The following ARID1B variants were observed in gnomAD, a reference collection of about 807,000 sequenced individuals.
ARID1B encodes AT-rich interaction domain 1B, also known as AT-rich interactive domain-containing protein 1B.
ARID1B carries 30 observed loss-of-function variants against 212.3 expected under a neutral mutation model. The ratio of observed to expected loss-of-function variants is 0.14; its 90% CI spans 0.11 to 0.19. The LOEUF is 0.19. ARID1B is among the 10% of genes least tolerant of loss of function. The probability of loss-of-function intolerance (pLI) is 1.00; values close to 1 mark genes in which losing one functional copy is unlikely to be tolerated. For synonymous variants in ARID1B, 1,402 were observed against 1,301.7 expected (o/e 1.08, Z -1.66); for missense variants, 2,891 against 3,204.0 (o/e 0.90, Z 2.36).
intron 16 of ARID1B, among the ~76,000 whole-genome samples, chr6:157,197,926 G>A (rs184690601): frequency 2.6e-4 from 39 of 152,180 alleles, no homozygotes; most frequent in African/African-American, 7.7e-4. Context: ...AAAAGTTCCC[G>A]TGTCTGTTTC....
chr6:156,869,999 C>T (rs1176104475), intron 2 of ARID1B: 4 of 146,722 alleles, frequency 2.7e-5, no homozygotes, highest in African/African-American at 1.0e-4. Flanking sequence ...CACCAGGGAG[C>T]AGTGGCTGGG....
chr6:156,799,323 C>G (rs1426736477), intron 1 of ARID1B, among the ~76,000 whole-genome samples: 1 of 152,236 alleles, frequency 6.6e-6, no homozygotes, highest in Non-Finnish European at 1.5e-5. Flanking sequence ...GCAGTTTGCA[C>G]TCAGGCATTC....
chr6:156,998,252 ACT>A (rs544915393), intron 4 of ARID1B, among the ~76,000 whole-genome samples: 141 of 129,934 alleles, frequency 1.1e-3, no homozygotes, highest in African/African-American at 4.0e-3. Context: ...CAGAGTTTCC[ACT>A]CTGTCACCCA....
At chr6:156,833,229 A>G (rs1488128577) in intron 2 of ARID1B, among the ~76,000 whole-genome samples, 1 of 152,172 alleles carries the variant, frequency 6.6e-6, no homozygotes, top group East Asian at 1.9e-4. Context: ...TAAAAAAAAA[A>G]CAAACCTTAA....
chr6:156,975,613 C>CTTTTTTT (rs367797338), intron 4 of ARID1B, among the ~76,000 whole-genome samples: 80 of 110,794 alleles, frequency 7.2e-4, no homozygotes, highest in Non-Finnish European at 8.2e-4. Flanking sequence ...TTTTTTTTTT[C>CTTTTTTT]TTTTTTTTTT....
At chr6:157,132,959 GT>G in intron 6 of ARID1B, 68 bp from the exon 7 acceptor site, 1 of 1,501,604 alleles carries the variant, frequency 6.7e-7, no homozygotes, top group Non-Finnish European at 9.0e-7. Context: ...ATCAGTCCAT[GT>G]CCATTTTTAT....
chr6:156,786,948 T>G (rs1384289650), intron 1 of ARID1B, among the ~76,000 whole-genome samples: 1 of 146,620 alleles, frequency 6.8e-6, no homozygotes, highest in Non-Finnish European at 1.5e-5. Context: ...TTGGCCTGCT[T>G]TTTTTTTTTT....
chr6:156,930,908 A>G (rs924052609), intron 3 of ARID1B, among the ~76,000 whole-genome samples: 1 of 152,178 alleles, frequency 6.6e-6, no homozygotes, highest in Non-Finnish European at 1.5e-5. Flanking sequence ...ATCCAAAGCT[A>G]GGCCAGGCAG....
At chr6:157,161,453 A>ATATATATG (rs1562313986) in intron 8 of ARID1B, among the ~76,000 whole-genome samples, 1 of 147,136 alleles carries the variant, frequency 6.8e-6, no homozygotes, top group African/African-American at 2.6e-5. Flanking sequence ...ATATATATAT[A>ATATATATG]TTTTGGCGGG....
chr6:156,993,614 A>G (rs1418112840), intron 4 of ARID1B, among the ~76,000 whole-genome samples: 1 of 152,230 alleles, frequency 6.6e-6, no homozygotes, highest in South Asian at 2.1e-4. Flanking sequence ...CAGACTGGCC[A>G]TTGAAGTTAT....
intron 4 of ARID1B, among the ~76,000 whole-genome samples, chr6:157,032,003 G>T (rs938900514): frequency 6.6e-5 from 10 of 152,090 alleles, no homozygotes; most frequent in African/African-American, 2.4e-4. Flanking sequence ...CACCATGTTG[G>T]CCAGGCTGGT....
intron 4 of ARID1B, among the ~76,000 whole-genome samples, chr6:156,969,421 T>C (rs756996182): frequency 6.6e-6 from 1 of 152,200 alleles, no homozygotes; most frequent in Non-Finnish European, 1.5e-5. Flanking sequence ...AGTGCTGGTA[T>C]CTGTCTTAAG....
At chr6:157,110,607 G>A (rs751495785) in intron 6 of ARID1B, 46 bp downstream of exon 6, 47 of 1,572,152 alleles carry the variant, frequency 3.0e-5, no homozygotes, top group Non-Finnish European at 3.8e-5. Context: ...GCTTTCAGGC[G>A]ATAAGGCGTA....
At chr6:156,818,143 A>T (rs561253307) in intron 1 of ARID1B, among the ~76,000 whole-genome samples, 1 of 113,338 alleles carries the variant, frequency 8.8e-6, no homozygotes, top group Admixed American at 1.1e-4. Context: ...AGATTTGACC[A>T]TATATTAGTC....
intron 4 of ARID1B, among the ~76,000 whole-genome samples, chr6:157,028,717 A>G (rs1158443055): frequency 6.6e-6 from 1 of 152,182 alleles, no homozygotes. Context: ...GGGTTACACT[A>G]TTCCACTGTC....
In ARID1B at chr6:157,028,575, A is replaced by G. The variant is rs903623883; in HGVS notation, c.2248-56087A>G. On this transcript the variant is annotated intron_variant, in intron 4 of 19. Coordinates refer to ENST00000636930, the MANE Select transcript of ARID1B (RefSeq NM_001374828.1). ...AACTATATTTTGGTCTATATTGTTC[A>G]TGATCTCATAGCCATGTTTTTTGAT... Among the ~76,000 whole-genome samples the G allele has an allele frequency of 2.0e-5, 3 of 152,250 alleles. No individual in the cohort carries two copies. In the East Asian group the frequency reaches 5.8e-4, roughly 29 times the overall value.
chr6:157,202,809 G>A (rs1794195544), intron 18 of ARID1B, among the ~76,000 whole-genome samples: 1 of 151,120 alleles, frequency 6.6e-6, no homozygotes, highest in Non-Finnish European at 1.5e-5. Context: ...TGGGGTTGCA[G>A]AGGGAGAGAA....
At chr6:156,874,403 T>C (rs576987683) in intron 2 of ARID1B, among the ~76,000 whole-genome samples, 2 of 152,338 alleles carry the variant, frequency 1.3e-5, no homozygotes, top group African/African-American at 4.8e-5. Flanking sequence ...GTAGGGGCCC[T>C]GACTCTCCTG....
At chr6:156,811,566 G>C (rs1219676470) in intron 1 of ARID1B, among the ~76,000 whole-genome samples, 2 of 152,142 alleles carry the variant, frequency 1.3e-5, no homozygotes, top group African/African-American at 4.8e-5. Context: ...TTAGGTAGCT[G>C]CCACCTCTCT....
Sources: allele counts gnomAD v4.1 joint callset (sites outside exome capture counted in the v4.1 genomes callset), GRCh38; gene constraint gnomAD v4.1.1; transcripts MANE v1.5; gene names NCBI Gene and HGNC (gene_info 2026-07-23, HGNC 2026-07-21).